PAG1: variants seen among roughly 807,000 people sequenced by gnomAD.
PAG1 encodes phosphoprotein membrane anchor with glycosphingolipid microdomains 1, also known as phosphoprotein associated with glycosphingolipid-enriched microdomains 1.
Under a neutral mutation model 31.7 loss-of-function variants are expected in PAG1, and 23 were observed. The observed-to-expected ratio is 0.73, with a 90% confidence interval of 0.52 to 1.03. The LOEUF (loss-of-function observed/expected upper bound fraction) is 1.03. Ranked by LOEUF, PAG1 falls within the 50% of genes least tolerant of loss-of-function variation. PAG1 has a pLI of 0.00. For missense variants in PAG1, 473 were observed against 540.7 expected, an observed-to-expected ratio of 0.87 and a Z score of 1.24; for synonymous variants, 214 against 210.3, an observed-to-expected ratio of 1.02 and a Z score of -0.15.
At chr8:81,063,788 A>AG (rs1303820767) in intron 2 of PAG1, among the ~76,000 whole-genome samples, 6 of 152,174 alleles carry the variant, frequency 3.9e-5, no homozygotes, top group South Asian at 4.1e-4. Flanking sequence ...ACTTACGGAC[A>AG]GGGGCATGGT....
rs201908764 is a variant in PAG1 at position 80,993,112 on chromosome 8, C to G, written c.116G>C (p.Ser39Thr). Residue 39 changes from serine (S) to threonine (T), a missense_variant, in exon 4 of 9, where the codon AGT becomes ACT. Transcript: ENST00000220597. ...ACACTCTGGTTCTCACCTGTCACAA[C>G]TAGAGCACAGGAAGATGAGGAAGGT... Reference protein sequence around the residue: ...VITFLIFLCSSCDREKKPRQH... With the variant: ...VITFLIFLCSTCDREKKPRQH... 13 of 1,613,538 alleles carry G rather than the reference C, an allele frequency of 8.1e-6. No homozygotes were observed. The Admixed American group carries it at 1.3e-4, about 17-fold the overall frequency.
At chr8:81,011,873 T>C (rs1257648343) in intron 3 of PAG1, among the ~76,000 whole-genome samples, 1 of 152,224 alleles carries the variant, frequency 6.6e-6, no homozygotes, top group Non-Finnish European at 1.5e-5. Flanking sequence ...GGCTTCTCCA[T>C]TTGCACATTT....
intron 3 of PAG1, among the ~76,000 whole-genome samples, chr8:80,995,258 G>T (rs922846778): frequency 1.3e-5 from 2 of 152,186 alleles, no homozygotes; most frequent in Non-Finnish European, 2.9e-5. Context: ...GTCTTCTAAG[G>T]CTCTATAATT....
At position 80,967,848 on chromosome 8, in the gene PAG1, C is replaced by T. The variant is rs1806994362; in HGVS notation, c.*8696G>A. 6.6e-6 allele frequency: 1 copy of T among 152,060 alleles called. No homozygotes were observed. The highest frequency in any genetic ancestry group is 1.5e-5 in the Non-Finnish European group (1 of 68,000). 9.4% of individuals were successfully genotyped at this position (152,060 alleles called of 1,614,324 possible). Reference sequence around the variant, plus strand: ...GACTTTTATTACAATTAAAAAAGAACAAAGACAATTTGATAAGTGCCTTTA... The same window carrying T: ...GACTTTTATTACAATTAAAAAAGAATAAAGACAATTTGATAAGTGCCTTTA... On this transcript the variant is annotated 3_prime_UTR_variant, in exon 9 of 9. Coordinates refer to ENST00000220597, the MANE Select transcript of PAG1 (RefSeq NM_018440.4).
chr8:80,991,838 A>G (rs1337897799), intron 4 of PAG1, among the ~76,000 whole-genome samples: 2 of 151,186 alleles, frequency 1.3e-5, no homozygotes, highest in African/African-American at 4.9e-5. Context: ...TTATACCTAA[A>G]CTAGCAGAGT....
At chr8:81,100,874 T>C (rs995738088) in intron 1 of PAG1, among the ~76,000 whole-genome samples, 2 of 152,184 alleles carry the variant, frequency 1.3e-5, no homozygotes, top group Admixed American at 6.5e-5. Context: ...TGGAAATACA[T>C]AAGAGAAGTG....
chr8:80,997,233 TGACTC>T (rs1807693530), intron 3 of PAG1, among the ~76,000 whole-genome samples: 2 of 152,236 alleles, frequency 1.3e-5, no homozygotes, highest in African/African-American at 2.4e-5. Flanking sequence ...TGTTCTTACT[TGACTC>T]AATAAACTTG....
chr8:81,034,771 T>G (rs1471902492), intron 2 of PAG1, among the ~76,000 whole-genome samples: 1 of 152,186 alleles, frequency 6.6e-6, no homozygotes, highest in Non-Finnish European at 1.5e-5. Flanking sequence ...GACACCTATT[T>G]AAAGAAGTTC....
At chr8:81,033,182 A>T (rs1021810263) in intron 2 of PAG1, among the ~76,000 whole-genome samples, 1 of 152,316 alleles carries the variant, frequency 6.6e-6, no homozygotes, top group East Asian at 1.9e-4. Flanking sequence ...TTTGGATGTT[A>T]TAAGTAAGCA....
intron 3 of PAG1, among the ~76,000 whole-genome samples, chr8:81,004,085 T>C (rs1307430543): frequency 6.6e-6 from 1 of 152,200 alleles, no homozygotes. Flanking sequence ...TTTACATATT[T>C]ACAATTCAAA....
intron 2 of PAG1, among the ~76,000 whole-genome samples, chr8:81,063,266 T>C (rs1808947138): frequency 1.3e-5 from 2 of 152,168 alleles, no homozygotes; most frequent in Admixed American, 6.5e-5. Context: ...ACTAAGCAGT[T>C]GAGGGAGGGT....
rs193262128 is a variant in PAG1 at position 81,024,470 on chromosome 8, T to C, written c.-81+5526A>G. ...CCAAACACCTCCACATATACGCAAG[T>C]TGGGCTGGGCTACAACATGTAATGG... On this transcript the variant is annotated intron_variant, in intron 3 of 8. Transcript: ENST00000220597. Among the ~76,000 whole-genome samples, 593 of 152,318 alleles carry C rather than the reference T, an allele frequency of 3.9e-3. 2 individuals are homozygous for C. Among genetic ancestry groups the C allele is most frequent in the Admixed American group, 7.1e-3 (109 of 15,302 alleles).
chr8:81,027,821 C>T (rs533479545), intron 3 of PAG1, among the ~76,000 whole-genome samples: 2 of 144,126 alleles, frequency 1.4e-5, no homozygotes, highest in African/African-American at 2.6e-5. Flanking sequence ...AGGAGAATGG[C>T]GTGAACATGG....
At chr8:81,061,368 T>G (rs1409167801) in intron 2 of PAG1, among the ~76,000 whole-genome samples, 1 of 152,230 alleles carries the variant, frequency 6.6e-6, no homozygotes, top group Admixed American at 6.5e-5. Context: ...TAAGCTCTCT[T>G]GTGGCTGGAA....
At chr8:80,996,741 TCGGTTTAACTGC>T (rs1807681433) in intron 3 of PAG1, among the ~76,000 whole-genome samples, 1 of 152,120 alleles carries the variant, frequency 6.6e-6, no homozygotes, top group Admixed American at 6.5e-5. Flanking sequence ...CCCTCATGTG[TCGGTTTAACTGC>T]CCTTAAATGC....
At chr8:81,006,070 G>C (rs1014934749) in intron 3 of PAG1, among the ~76,000 whole-genome samples, 6 of 152,070 alleles carry the variant, frequency 3.9e-5, no homozygotes, top group Non-Finnish European at 1.5e-5. Context: ...AGCCTCCCAA[G>C]TACCTGGGAC....
At chr8:81,020,479 G>A (rs550916451) in intron 3 of PAG1, among the ~76,000 whole-genome samples, 128 of 152,118 alleles carry the variant, frequency 8.4e-4, no homozygotes, top group Non-Finnish European at 1.5e-3. Flanking sequence ...AATGGGTCTC[G>A]TGAGATCTGA....
In PAG1 at chr8:81,089,275, A is replaced by G. The variant is rs1298566733; in HGVS notation, c.-233-19105T>C. ...ATGCAGTGGGTTTGTATCATACTTA[A>G]AGAACCCTGATGGGCCAGGCGCAGT... On this transcript the variant is annotated intron_variant, in intron 1 of 8. Transcript: ENST00000220597. Among the ~76,000 whole-genome samples the G allele has an allele frequency of 2.6e-5, 4 of 152,214 alleles. No homozygotes were observed. The East Asian group carries it at 5.8e-4, about 22-fold the overall frequency.
chr8:81,110,723 G>A (rs1442030402), intron 1 of PAG1, among the ~76,000 whole-genome samples: 1 of 152,154 alleles, frequency 6.6e-6, no homozygotes, highest in Non-Finnish European at 1.5e-5. Flanking sequence ...CTAATTCCTG[G>A]AGCTGCCTTG....
Sources: allele counts gnomAD v4.1 joint callset (sites outside exome capture counted in the v4.1 genomes callset), GRCh38; gene constraint gnomAD v4.1.1; transcripts MANE v1.5; gene names NCBI Gene and HGNC (gene_info 2026-07-23, HGNC 2026-07-21).